Variants in GLOD4 observed in about 807,000 individuals in gnomAD.
The protein encoded by GLOD4 is glyoxalase domain containing 4.
Under a neutral mutation model 39.1 loss-of-function variants are expected in GLOD4, and 44 were observed. The ratio of observed to expected loss-of-function variants is 1.13; its 90% CI spans 0.88 to 1.45. The LOEUF (loss-of-function observed/expected upper bound fraction) is 1.45, where lower values mean the gene tolerates loss of function less well. Among genes scored for constraint, GLOD4 ranks in the 40% most tolerant of loss-of-function variants. The probability of loss-of-function intolerance (pLI) is 0.00; values close to 1 mark genes in which losing one functional copy is unlikely to be tolerated. For synonymous variants in GLOD4, 145 were observed against 135.0 expected (o/e 1.07, Z -0.52); for missense variants, 405 against 366.4 (o/e 1.11, Z -0.86).
chr17:771,721 T>C (rs1037084619), intron 4 of GLOD4, among the ~76,000 whole-genome samples: 8 of 152,034 alleles, frequency 5.3e-5, no homozygotes, highest in Admixed American at 1.3e-4. Context: ...TTTAAAAAAA[T>C]TGGCTGGGTG....
At chr17:762,905 G>A (rs941514549) in intron 8 of GLOD4, among the ~76,000 whole-genome samples, 6 of 152,228 alleles carry the variant, frequency 3.9e-5, no homozygotes, top group Non-Finnish European at 5.9e-5. Context: ...GGCTGGGCGC[G>A]GTGGCTCACG....
chr17:761,478 A>C (rs897262412), intron 8 of GLOD4, among the ~76,000 whole-genome samples: 5 of 152,218 alleles, frequency 3.3e-5, no homozygotes, highest in African/African-American at 9.6e-5. Flanking sequence ...AGGAAAGAAC[A>C]ACTAAATTAT....
At chr17:768,407 C>T (rs374755085) in intron 8 of GLOD4, among the ~76,000 whole-genome samples, 17 of 136,590 alleles carry the variant, frequency 1.2e-4, no homozygotes, top group South Asian at 7.2e-4. Context: ...AGAAACAGCG[C>T]GCGCTCAGAT....
rs748952108 is a variant in GLOD4 at position 770,433 on chromosome 17, G to GC, written c.617dup (p.Cys206TrpfsTer44). On this transcript the variant is annotated frameshift_variant, in exon 6 of 9. Transcript: ENST00000301329. LOFTEE classifies it high-confidence loss of function. ...TATCAAGCGTTACCTCTTTCTGGGG[G>GC]CAAGAGAAGGCAATTCTTCCAAAAG... 2.6e-6 allele frequency: 4 copies of GC among 1,547,358 alleles called. No homozygotes were observed. In the African/African-American group the frequency reaches 5.4e-5, roughly 21 times the overall value.
rs141571460 is a variant in GLOD4 at position 769,932 on chromosome 17, G to A, written c.768C>T (p.Val256=). 1.4e-5 allele frequency: 22 copies of A among 1,611,018 alleles called. No homozygotes were observed. Among genetic ancestry groups the A allele is most frequent in the Admixed American group, 1.2e-4 (7 of 60,022 alleles). The change falls in exon 8 of 9, where the codon GTC becomes GTT. Residue 256 remains valine (V), a synonymous_variant. Coordinates refer to ENST00000301329, the MANE Select transcript of GLOD4 (RefSeq NM_016080.4). The part of the protein sequence containing the change: ...ADPDGHEICF[V]GDEAFRELSK... ...AAAGTTCTCGAAATGCTTCATCCCC[G>A]ACAAAGCAAATTTCATGTCCGTCCT... is the stretch of plus-strand genomic sequence containing the variant.
chr17:771,304 T>C, intron 5 of GLOD4, 21 bp downstream of exon 5: 1 of 1,538,086 alleles, frequency 6.5e-7, no homozygotes, highest in Non-Finnish European at 8.8e-7. Flanking sequence ...TAACAGGTTA[T>C]TCTTCTCCAA....
In GLOD4 at chr17:775,870, TC is replaced by T. The variant is rs1421837898; in HGVS notation, c.310del (p.Glu104SerfsTer4). The T allele has an allele frequency of 1.9e-6, 3 of 1,612,652 alleles. No homozygotes were observed. Among genetic ancestry groups the T allele is most frequent in the Non-Finnish European group, 2.5e-6 (3 of 1,178,732 alleles). Reference protein sequence around the residue: ...SQAVSNARKLEWPLTEVAEGV... With the variant: ...SQAVSNARKLXWPLTEVAEGV... ...TTCTGCAACTTCCGTCAGTGGCCACTCCAGCTTCCTGGCGTTGCTGACAGCC... is the reference window on the plus strand; with the variant it reads ...TTCTGCAACTTCCGTCAGTGGCCACTCAGCTTCCTGGCGTTGCTGACAGCC... On this transcript the variant is annotated frameshift_variant, in exon 4 of 9. Transcript: ENST00000301329. LOFTEE classifies it high-confidence loss of function.
At chr17:772,820 C>T (rs913366570) in intron 4 of GLOD4, among the ~76,000 whole-genome samples, 2 of 151,922 alleles carry the variant, frequency 1.3e-5, no homozygotes, top group African/African-American at 4.8e-5. Context: ...ACGGTGAAAC[C>T]CCGTCTCTAC....
intron 5 of GLOD4, 102 bp downstream of exon 5, chr17:771,223 A>G: frequency 1.5e-6 from 1 of 688,488 alleles, no homozygotes; most frequent in East Asian, 2.7e-5. Context: ...TATGGGAACA[A>G]CCTTCATGTT....
intron 1 of GLOD4, among the ~76,000 whole-genome samples, chr17:780,037 G>T (rs1343776870): frequency 1.3e-5 from 2 of 152,134 alleles, no homozygotes. Flanking sequence ...GGTGGCGGGC[G>T]CCTGTAGTAC....
intron 8 of GLOD4, among the ~76,000 whole-genome samples, chr17:763,181 T>TAAA (rs61285863): frequency 8.2e-6 from 1 of 121,914 alleles, no homozygotes; most frequent in African/African-American, 3.2e-5. Flanking sequence ...AGACTCCGTC[T>TAAA]AAAAAAAAAA....
At position 776,905 on chromosome 17, in the gene GLOD4, T is replaced by C. The variant is rs114535491; in HGVS notation, c.224A>G (p.Tyr75Cys). Residue 75 changes from tyrosine to cysteine, a missense_variant, in exon 3 of 9, where the codon TAT becomes TGT. By Grantham distance (194) the Tyr-to-Cys change is radical. Coordinates refer to ENST00000301329, the MANE Select transcript of GLOD4 (RefSeq NM_016080.4). The stretch of plus-strand genomic sequence containing the variant: ...GCCAAGCTTGTAGTCTCCGACGCCA[T>C]AATTGTAAGTCAGTTCTGCGACAAA... ...DHFVAELTYNYGVGDYKLGND... is the reference protein window; with the variant it reads ...DHFVAELTYNCGVGDYKLGND... 4.2e-5 allele frequency: 68 copies of C among 1,612,632 alleles called. No individual in the cohort carries two copies. In the East Asian group the frequency reaches 1.4e-3, roughly 34 times the overall value.
intron 1 of GLOD4, chr17:780,697 C>G (rs1487798458): frequency 6.9e-6 from 1 of 144,816 alleles, no homozygotes; most frequent in Admixed American, 7.1e-5. Flanking sequence ...GAGCCGAGAT[C>G]GCGCCACTGC....
chr17:767,428 T>G (rs1906778124), intron 8 of GLOD4, among the ~76,000 whole-genome samples: 1 of 152,062 alleles, frequency 6.6e-6, no homozygotes, highest in African/African-American at 2.4e-5. Context: ...CAGACTGAAG[T>G]GAAAATGGGA....
Position 759,839 on chromosome 17 carries a change from C to A in GLOD4, c.*334G>T. 3.8e-6 allele frequency: 1 copy of A among 266,084 alleles called. No homozygotes were observed. The highest frequency in any genetic ancestry group is 7.6e-5 in the South Asian group (1 of 13,242). 16.5% of individuals were successfully genotyped at this position (266,084 alleles called of 1,614,324 possible). On this transcript the variant is annotated 3_prime_UTR_variant, in exon 9 of 9. Transcript: ENST00000301329. ...AAAAGCTACACGATTCAGAGGTAACCCTAACTATCCGCAATCCCAACCAAA... is the reference window on the plus strand; with the variant it reads ...AAAAGCTACACGATTCAGAGGTAACACTAACTATCCGCAATCCCAACCAAA...
At chr17:781,245 T>C (rs1289765136) in intron 1 of GLOD4, among the ~76,000 whole-genome samples, 1 of 152,188 alleles carries the variant, frequency 6.6e-6, no homozygotes, top group Non-Finnish European at 1.5e-5. Flanking sequence ...CAACAACCTT[T>C]TGATCGACGA....
At position 775,065 on chromosome 17, in the gene GLOD4, G is replaced by A. The variant is rs150699681; in HGVS notation, c.406+710C>T. 9.0e-3 allele frequency among the ~76,000 whole-genome samples: 1,313 copies of A among 146,012 alleles called. 13 individuals carry two copies. The highest frequency in any genetic ancestry group is 0.034 in the East Asian group (169 of 5,012). ...AGCCTGGGCGACAGAGCAAGACTCC[G>A]TCTCAAAAAACAAATAATTTTTAAA... On this transcript the variant is annotated intron_variant, in intron 4 of 8. Coordinates refer to ENST00000301329, the MANE Select transcript of GLOD4 (RefSeq NM_016080.4).
chr17:775,804 T>G lies in GLOD4; in HGVS notation c.377A>C (p.Tyr126Ser). The G allele has an allele frequency of 1.2e-6, 2 of 1,614,048 alleles. No individual in the cohort carries two copies. Among genetic ancestry groups the G allele is most frequent in the Non-Finnish European group, 1.7e-6 (2 of 1,179,914 alleles). ...ETEAPGGYKF[Y>S]LQNRSLPQSD... Reference sequence around the variant, plus strand: ...CTGAGGCAGACTGCGATTCTGCAAATAGAACTTATATCCTCCCGGGGCCTC... The same window carrying G: ...CTGAGGCAGACTGCGATTCTGCAAAGAGAACTTATATCCTCCCGGGGCCTC... The change falls in exon 4 of 9, where the codon TAT becomes TCT. Residue 126 changes from tyrosine (Y) to serine (S), a missense_variant. Physicochemically the swap from Tyr to Ser is moderately radical, Grantham distance 144. Coordinates refer to ENST00000301329, the MANE Select transcript of GLOD4 (RefSeq NM_016080.4).
intron 4 of GLOD4, among the ~76,000 whole-genome samples, chr17:772,516 T>TA (rs1908152240): frequency 6.6e-6 from 1 of 152,002 alleles, no homozygotes; most frequent in African/African-American, 2.4e-5. Flanking sequence ...GAAAAGGAAT[T>TA]ACAATCAAAA....
Sources: gnomAD v4.1 joint callset for allele counts (sites outside exome capture counted in the v4.1 genomes callset) on GRCh38, gnomAD v4.1.1 for gene constraint, MANE v1.5 for transcripts, NCBI Gene and HGNC (gene_info 2026-07-23, HGNC 2026-07-21) for gene names.